Variants in MCF2L observed in about 807,000 individuals in gnomAD.
The protein encoded by MCF2L is MCF.2 cell line derived transforming sequence like.
MCF2L carries 97 observed loss-of-function variants against 153.4 expected under a neutral mutation model. That is an observed-to-expected ratio of 0.63 (90% CI 0.54 to 0.75). MCF2L has a LOEUF of 0.75. MCF2L is among the 30% of genes least tolerant of loss of function. The pLI is 0.00. For synonymous variants in MCF2L, 659 were observed against 632.2 expected, an observed-to-expected ratio of 1.04 and a Z score of -0.64; for missense variants, 1,347 against 1,495.2, an observed-to-expected ratio of 0.90 and a Z score of 1.64.
intron 26 of MCF2L, among the ~76,000 whole-genome samples, chr13:113,092,556 G>C (rs1049420400): frequency 6.6e-6 from 1 of 152,242 alleles, no homozygotes; most frequent in Non-Finnish European, 1.5e-5. Flanking sequence ...GGTGGCCTGA[G>C]CGCTGCCCAG....
intron 2 of MCF2L, among the ~76,000 whole-genome samples, chr13:113,015,486 G>A (rs1285128836): frequency 6.6e-6 from 1 of 151,984 alleles, no homozygotes; most frequent in Non-Finnish European, 1.5e-5. Context: ...AGGGTGCCCC[G>A]ATGCTGAGGA....
In MCF2L at chr13:113,045,612, G is replaced by A. The variant is rs374864671; in HGVS notation, c.369+251G>A. 3.5e-4 allele frequency: 195 copies of A among 564,604 alleles called. No homozygotes were observed. Among genetic ancestry groups the A allele is most frequent in the African/African-American group, 3.4e-3 (179 of 53,402 alleles). 35.0% of individuals were successfully genotyped at this position (564,604 alleles called of 1,614,324 possible). On this transcript the variant is annotated intron_variant, in intron 4 of 29. Transcript: ENST00000535094. The surrounding 1 kb of genome is among the most constrained non-coding windows in gnomAD (Gnocchi z 4.2). ...ATGTGACTTGCAAACAATTTCCCCA[G>A]GCAGAGCAGCCCATATGTTTCCGAA...
chr13:113,036,555 C>T (rs1170435466), intron 3 of MCF2L, among the ~76,000 whole-genome samples: 5 of 152,114 alleles, frequency 3.3e-5, no homozygotes, highest in Admixed American at 6.6e-5. Context: ...TGGAGGGCAA[C>T]GGCAGTGGTG....
At chr13:113,016,144 T>A (rs1163078873) in intron 2 of MCF2L, among the ~76,000 whole-genome samples, 1 of 152,070 alleles carries the variant, frequency 6.6e-6, no homozygotes, top group African/African-American at 2.4e-5. Flanking sequence ...GCCCAGGAGC[T>A]CTGGGGGGGA....
chr13:113,055,369 A>AC (rs56189966), intron 4 of MCF2L, among the ~76,000 whole-genome samples: 947 of 8,944 alleles, frequency 0.11, 357 homozygotes, highest in Middle Eastern at 0.43. Flanking sequence ...GGAGACGTGG[A>AC]CCCCCCCCCC....
chr13:113,056,877 A>T (rs1161340224), intron 4 of MCF2L, among the ~76,000 whole-genome samples: 3 of 59,176 alleles, frequency 5.1e-5, no homozygotes, highest in East Asian at 5.3e-4. Flanking sequence ...GTGGGTGCTG[A>T]GTGGGTGCTG....
At chr13:113,090,019 G>A (rs764341906) in intron 26 of MCF2L, 88 of 1,598,818 alleles carry the variant, frequency 5.5e-5, no homozygotes, top group Non-Finnish European at 7.1e-5. Flanking sequence ...ACCCGCCTCC[G>A]CATCGGGTTG....
chr13:113,010,123 C>CG (rs916381286), intron 1 of MCF2L: 3 of 150,196 alleles, frequency 2.0e-5, no homozygotes, highest in African/African-American at 4.9e-5. Context: ...ATACCCCCCC[C>CG]ACCCGCACCA....
intron 2 of MCF2L, among the ~76,000 whole-genome samples, chr13:112,938,882 G>C (rs548897191): frequency 6.6e-6 from 1 of 152,156 alleles, no homozygotes; most frequent in South Asian, 2.1e-4. Context: ...GGGAGGTCTT[G>C]GGTTGGAGGC....
intron 2 of MCF2L, among the ~76,000 whole-genome samples, chr13:113,024,368 A>T (rs562392265): frequency 6.6e-6 from 1 of 152,340 alleles, no homozygotes; most frequent in African/African-American, 2.4e-5. Flanking sequence ...AGCCCATAGA[A>T]AAAGGCTTGG....
In MCF2L at chr13:113,028,678, T is replaced by C. The variant is rs2085456448; in HGVS notation, c.278+3920T>C. On this transcript the variant is annotated intron_variant, in intron 3 of 29. Coordinates refer to ENST00000535094, the MANE Select transcript of MCF2L (RefSeq NM_001112732.3). The surrounding 1 kb of genome is among the most constrained non-coding windows in gnomAD (Gnocchi z 5.4). ...GATAATAAAAAGTGGAAGAGGCCTTTCTATCACCAAACGCTCTAAATCAGA... is the reference window on the plus strand; with the variant it reads ...GATAATAAAAAGTGGAAGAGGCCTTCCTATCACCAAACGCTCTAAATCAGA... 2.6e-5 allele frequency among the ~76,000 whole-genome samples: 4 copies of C among 152,218 alleles called. No homozygotes were observed. Among genetic ancestry groups the C allele is most frequent in the African/African-American group, 9.7e-5 (4 of 41,442 alleles).
At chr13:112,934,054 G>A (rs1377366088) in intron 2 of MCF2L, among the ~76,000 whole-genome samples, 4 of 152,220 alleles carry the variant, frequency 2.6e-5, no homozygotes, top group Non-Finnish European at 1.5e-5. Flanking sequence ...TTTGCTCACT[G>A]GGTTCCTGGC....
chr13:112,924,279 A>G lies in MCF2L; in HGVS notation c.169+21908A>G, dbSNP rs370882413. On this transcript the variant is annotated intron_variant, in intron 2 of 29. Coordinates refer to the MCF2L transcript ENST00000375608. ...CCACACGCAGCTGGGCTACAGAGAC[A>G]GCACAGACACGGGAGTTTACCTTTT... Among the ~76,000 whole-genome samples, 271 of 152,272 alleles carry G rather than the reference A, an allele frequency of 1.8e-3. 2 individuals are homozygous for G. Among genetic ancestry groups the G allele is most frequent in the African/African-American group, 6.2e-3 (259 of 41,560 alleles).
intron 1 of MCF2L, among the ~76,000 whole-genome samples, chr13:113,012,066 G>A (rs1022960899): frequency 1.7e-5 from 2 of 118,998 alleles, no homozygotes; most frequent in Admixed American, 1.7e-4. Flanking sequence ...AGTGTGAATG[G>A]TGGACAGGTG....
intron 2 of MCF2L, chr13:112,917,295 C>T (rs1479318053): frequency 2.4e-6 from 1 of 412,578 alleles, no homozygotes; most frequent in Non-Finnish European, 4.9e-6. Context: ...CACCATAGTT[C>T]ACTGCACCTC....
At chr13:113,042,406 T>G (rs532924347) in intron 3 of MCF2L, 1 of 152,374 alleles carries the variant, frequency 6.6e-6, no homozygotes, top group East Asian at 1.9e-4. Context: ...ACTTGCAATT[T>G]TGACTTCTAA....
intron 3 of MCF2L, among the ~76,000 whole-genome samples, chr13:113,033,374 G>A (rs112483055): frequency 1.6e-3 from 106 of 64,904 alleles, no homozygotes; most frequent in Middle Eastern, 0.01. Context: ...AGTGGCCCCC[G>A]TGACGTGAGT....
At chr13:113,007,847 A>G (rs2083810322) in intron 1 of MCF2L, among the ~76,000 whole-genome samples, 1 of 152,118 alleles carries the variant, frequency 6.6e-6, no homozygotes, top group Admixed American at 6.5e-5. Flanking sequence ...CGTGTGGCCC[A>G]GACCAAGAGC....
intron 3 of MCF2L, among the ~76,000 whole-genome samples, chr13:113,029,151 A>G (rs2993312): frequency 0.41 from 62,803 of 152,020 alleles, 13,561 homozygotes; most frequent in East Asian, 0.65. Context: ...GAGGACGCCC[A>G]TGTGCCCTGA....
Sources: allele counts gnomAD v4.1 joint callset (sites outside exome capture counted in the v4.1 genomes callset), GRCh38; gene constraint gnomAD v4.1.1; non-coding constraint Gnocchi (gnomAD v3.1); transcripts MANE v1.5; gene names NCBI Gene and HGNC (gene_info 2026-07-23, HGNC 2026-07-21).